The following GRIP1 variants were observed in gnomAD, a reference collection of about 807,000 sequenced individuals.
GRIP1 encodes glutamate receptor interacting protein 1, also known as glutamate receptor-interacting protein 1.
A neutral mutation model predicts 129.9 loss-of-function variants in GRIP1; 45 were observed. The observed-to-expected ratio is 0.35, with a 90% CI of 0.27 to 0.44. The LOEUF (loss-of-function observed/expected upper bound fraction) is 0.44. GRIP1 is among the 20% of genes least tolerant of loss of function. The probability of loss-of-function intolerance (pLI) is 1.00; values close to 1 mark genes in which losing one functional copy is unlikely to be tolerated. For synonymous variants in GRIP1, 530 were observed against 520.8 expected (o/e 1.02, Z -0.24); for missense variants, 1,196 against 1,396.8 (o/e 0.86, Z 2.29).
intron 7 of GRIP1, among the ~76,000 whole-genome samples, chr12:66,482,308 G>A (rs981389632): frequency 2.0e-5 from 3 of 152,138 alleles, no homozygotes; most frequent in African/African-American, 7.2e-5. Context: ...AGGATGCTGA[G>A]CCTGATGAGC....
chr12:66,834,201 TGGG>T (rs927240734), intron 1 of GRIP1, among the ~76,000 whole-genome samples: 2 of 113,612 alleles, frequency 1.8e-5, no homozygotes, highest in African/African-American at 6.5e-5. Context: ...AAAAAAAAGG[TGGG>T]GGGATTATGT....
intron 7 of GRIP1, among the ~76,000 whole-genome samples, chr12:66,483,500 C>T (rs2059864408): frequency 6.6e-6 from 1 of 152,198 alleles, no homozygotes; most frequent in Non-Finnish European, 1.5e-5. Flanking sequence ...AAGTGAAACT[C>T]GATAATACTT....
chr12:66,771,135 T>C (rs929259333), intron 1 of GRIP1, among the ~76,000 whole-genome samples: 1 of 152,056 alleles, frequency 6.6e-6, no homozygotes, highest in African/African-American at 2.4e-5. Flanking sequence ...GCAGTTGGCC[T>C]ATATGTTGTA....
rs541138136 is a variant in GRIP1, at chr12:66,893,368, T to C, written c.58+175682A>G. ...GATCCTCCCACCTCAGCCTCCTAAG[T>C]AGCTGGAACTACAGGTATACACCAC... On this transcript the variant is annotated intron_variant, in intron 1 of 1. Transcript: ENST00000643019. Among the ~76,000 whole-genome samples, 11 of 152,292 alleles carry C rather than the reference T, an allele frequency of 7.2e-5. No individual in the cohort carries two copies. In the South Asian group the frequency reaches 2.3e-3, roughly 32 times the overall value.
chr12:66,862,264 A>G (rs1457468338), intron 1 of GRIP1, among the ~76,000 whole-genome samples: 1 of 152,088 alleles, frequency 6.6e-6, no homozygotes, highest in Admixed American at 6.6e-5. Flanking sequence ...ATGGATCAAT[A>G]AAGTATCTTA....
At chr12:66,954,009 G>A (rs1007298885) in intron 1 of GRIP1, among the ~76,000 whole-genome samples, 6 of 152,186 alleles carry the variant, frequency 3.9e-5, no homozygotes, top group African/African-American at 1.4e-4. Context: ...GTTTGCAGCT[G>A]TCACAACATT....
intron 1 of GRIP1, chr12:66,626,701 G>C (rs1484843198): frequency 2.6e-5 from 4 of 152,880 alleles, no homozygotes; most frequent in Non-Finnish European, 5.9e-5. Flanking sequence ...AGGCCTTACT[G>C]TCTCAATTAA....
intron 1 of GRIP1, among the ~76,000 whole-genome samples, chr12:66,761,433 G>A (rs1566008448): frequency 1.3e-5 from 2 of 152,046 alleles, no homozygotes; most frequent in African/African-American, 4.8e-5. Context: ...AAGGAAGCCC[G>A]TACTGCCTCA....
At chr12:66,978,270 A>C (rs1592419907) in intron 1 of GRIP1, among the ~76,000 whole-genome samples, 1 of 152,208 alleles carries the variant, frequency 6.6e-6, no homozygotes, top group East Asian at 1.9e-4. Context: ...ACATAGAAGC[A>C]AGGAATTTTT....
At chr12:66,611,720 T>C (rs1376468902) in intron 1 of GRIP1, among the ~76,000 whole-genome samples, 1 of 152,234 alleles carries the variant, frequency 6.6e-6, no homozygotes, top group African/African-American at 2.4e-5. Context: ...GGCATACATT[T>C]ACCACATTTA....
chr12:66,534,955 A>C (rs2061563774), intron 4 of GRIP1, among the ~76,000 whole-genome samples: 1 of 152,034 alleles, frequency 6.6e-6, no homozygotes, highest in Non-Finnish European at 1.5e-5. Flanking sequence ...TGGCCTCCCA[A>C]AGTGCTGGGA....
intron 1 of GRIP1, among the ~76,000 whole-genome samples, chr12:66,607,003 GAGAGAGAGAGAA>G (rs2064563531): frequency 7.1e-6 from 1 of 139,908 alleles, no homozygotes; most frequent in African/African-American, 3.0e-5. Context: ...GAGAGAGAGA[GAGAGAGAGAGAA>G]AGAGAGAGAG....
intron 5 of GRIP1, among the ~76,000 whole-genome samples, chr12:66,528,026 T>C (rs957224368): frequency 6.6e-6 from 1 of 152,142 alleles, no homozygotes; most frequent in African/African-American, 2.4e-5. Context: ...TTGAAGCTCA[T>C]TGTCATCCTA....
At chr12:67,021,526 T>C (rs772880068) in intron 1 of GRIP1, among the ~76,000 whole-genome samples, 42 of 152,190 alleles carry the variant, frequency 2.8e-4, no homozygotes, top group Non-Finnish European at 1.0e-4. Context: ...AATTGACACA[T>C]AATTGTACAT....
intron 1 of GRIP1, among the ~76,000 whole-genome samples, chr12:66,899,974 T>G (rs1436381108): frequency 6.6e-6 from 1 of 152,024 alleles, no homozygotes; most frequent in Non-Finnish European, 1.5e-5. Flanking sequence ...GAAATAGCTG[T>G]GAATACATTC....
At chr12:66,719,423 T>G (rs1214900828) in intron 1 of GRIP1, among the ~76,000 whole-genome samples, 1 of 152,154 alleles carries the variant, frequency 6.6e-6, no homozygotes, top group African/African-American at 2.4e-5. Context: ...GTTTATAAGC[T>G]AGGAGTAAAT....
intron 7 of GRIP1, among the ~76,000 whole-genome samples, chr12:66,465,793 A>G (rs2059270157): frequency 6.6e-6 from 1 of 152,224 alleles, no homozygotes; most frequent in African/African-American, 2.4e-5. Flanking sequence ...AATTCAATAA[A>G]TATCTTAGCA....
At chr12:66,547,915 G>A (rs921702985) in intron 2 of GRIP1, among the ~76,000 whole-genome samples, 3 of 152,046 alleles carry the variant, frequency 2.0e-5, no homozygotes, top group African/African-American at 7.2e-5. Flanking sequence ...GGGAAAACAA[G>A]GTAAAGGATA....
At chr12:66,681,152 T>C (rs1429297769), upstream of GRIP1, among the ~76,000 whole-genome samples, 2 of 152,118 alleles carry the variant, frequency 1.3e-5, no homozygotes, top group African/African-American at 2.4e-5. Flanking sequence ...TCCATATCTA[T>C]CCTATTAGTC....
Sources: allele counts gnomAD v4.1 joint callset (sites outside exome capture counted in the v4.1 genomes callset), GRCh38; gene constraint gnomAD v4.1.1; transcripts MANE v1.5; gene names NCBI Gene and HGNC (gene_info 2026-07-23, HGNC 2026-07-21).